The following GABRB3 variants were observed in gnomAD, a reference collection of about 807,000 sequenced individuals.
GABRB3 encodes the protein gamma-aminobutyric acid receptor subunit beta-3.
Under a neutral mutation model 52.1 loss-of-function variants are expected in GABRB3, and 14 were observed. The ratio of observed to expected loss-of-function variants is 0.27; its 90% CI spans 0.18 to 0.42. GABRB3 has a LOEUF of 0.42. GABRB3 is among the 10% of genes least tolerant of loss of function. The probability of loss-of-function intolerance (pLI) is 1.00; values close to 1 mark genes in which losing one functional copy is unlikely to be tolerated. For missense variants in GABRB3, 307 were observed against 609.1 expected, an observed-to-expected ratio of 0.50 and a Z score of 5.22; for synonymous variants, 260 against 232.3, an observed-to-expected ratio of 1.12 and a Z score of -1.08.
chr15:26,729,165 G>T (rs1889844943), intron 3 of GABRB3, among the ~76,000 whole-genome samples: 1 of 152,042 alleles, frequency 6.6e-6, no homozygotes. Flanking sequence ...GTCTGGGCAA[G>T]GGGCCGGGGG....
At chr15:26,721,002 C>A (rs1016310360) in intron 3 of GABRB3, among the ~76,000 whole-genome samples, 1 of 152,166 alleles carries the variant, frequency 6.6e-6, no homozygotes, top group Non-Finnish European at 1.5e-5. Flanking sequence ...ACCGCCCCAA[C>A]ATGTCAAATC....
chr15:26,659,541 T>C (rs12439236), intron 3 of GABRB3, among the ~76,000 whole-genome samples: 25,643 of 151,872 alleles, frequency 0.17, 3,874 homozygotes, highest in East Asian at 0.81. Context: ...AATAAATAAG[T>C]AAATAAATAA....
At chr15:26,768,152 T>A (rs1490202150) in intron 3 of GABRB3, among the ~76,000 whole-genome samples, 1 of 151,980 alleles carries the variant, frequency 6.6e-6, no homozygotes, top group Non-Finnish European at 1.5e-5. Flanking sequence ...CTCTAATTTT[T>A]AAAAACAAAA....
intron 4 of GABRB3, among the ~76,000 whole-genome samples, chr15:26,601,093 C>T (rs1356203116): frequency 6.6e-6 from 1 of 151,838 alleles, no homozygotes; most frequent in Admixed American, 6.6e-5. Flanking sequence ...ATGGTAAGCA[C>T]AAAGCAAAAA....
At chr15:26,580,786 G>A (rs753557865) in intron 5 of GABRB3, 2 of 396,958 alleles carry the variant, frequency 5.0e-6, no homozygotes, top group Non-Finnish European at 9.6e-6. Context: ...CAACTGCAAT[G>A]AATAAGATAG....
chr15:26,627,421 G>T (rs1007900418), intron 3 of GABRB3, among the ~76,000 whole-genome samples: 4 of 142,530 alleles, frequency 2.8e-5, no homozygotes, highest in Non-Finnish European at 6.2e-5. Flanking sequence ...CATAGACAGT[G>T]ATTATTTTTA....
intron 6 of GABRB3, among the ~76,000 whole-genome samples, 188 bp from the exon 7 acceptor site, chr15:26,567,921 G>A (rs1400256352): frequency 6.6e-6 from 1 of 152,186 alleles, no homozygotes; most frequent in Non-Finnish European, 1.5e-5. Context: ...GGTGCTTTTC[G>A]GTCTATTTAT....
At chr15:26,606,724 G>A (rs182786498) in intron 4 of GABRB3, among the ~76,000 whole-genome samples, 1,353 of 104,208 alleles carry the variant, frequency 0.013, 33 homozygotes, top group Middle Eastern at 0.024. Context: ...AATTGTCAAC[G>A]CAATCATATA....
In GABRB3 at chr15:26,722,130, G is replaced by C. The variant is rs533015351; in HGVS notation, c.240+50272C>G. On this transcript the variant is annotated intron_variant, in intron 3 of 8. Coordinates refer to ENST00000311550, the MANE Select transcript of GABRB3 (RefSeq NM_000814.6). ...CACCTAATTTCCTTCTTTTCTCTTT[G>C]CTCAGATATAGTTTGCCCCATCTAG... 5.1e-4 allele frequency among the ~76,000 whole-genome samples: 77 copies of C among 151,982 alleles called. No homozygotes were observed. The Middle Eastern group carries it at 0.02, about 40-fold the overall frequency.
intron 3 of GABRB3, chr15:26,772,010 G>C (rs1216264557): frequency 4.9e-6 from 1 of 204,236 alleles, no homozygotes; most frequent in Non-Finnish European, 9.5e-6. Context: ...TAGAATATAG[G>C]AGCCACCCCC....
chr15:26,731,604 T>A (rs1889916231), intron 3 of GABRB3, among the ~76,000 whole-genome samples: 1 of 152,140 alleles, frequency 6.6e-6, no homozygotes. Flanking sequence ...ACCAGGAGAT[T>A]AGAGTTTATA....
intron 3 of GABRB3, among the ~76,000 whole-genome samples, chr15:26,629,524 G>C (rs1763860926): frequency 6.6e-6 from 1 of 152,170 alleles, no homozygotes; most frequent in Non-Finnish European, 1.5e-5. Flanking sequence ...GGGGGTATTG[G>C]TGGAGAGGTC....
intron 3 of GABRB3, chr15:26,629,196 G>T: frequency 2.8e-6 from 4 of 1,453,778 alleles, no homozygotes; most frequent in Non-Finnish European, 3.6e-6. Context: ...AGGGCTTTGC[G>T]AAGCGGCGGC....
At chr15:26,654,981 C>T (rs1887322299) in intron 3 of GABRB3, among the ~76,000 whole-genome samples, 1 of 152,106 alleles carries the variant, frequency 6.6e-6, no homozygotes, top group South Asian at 2.1e-4. Context: ...TGTCACCATG[C>T]CCTGCTTAGC....
intron 4 of GABRB3, among the ~76,000 whole-genome samples, chr15:26,619,659 AAAGTAT>A (rs1260172129): frequency 6.6e-6 from 1 of 152,122 alleles, no homozygotes; most frequent in Non-Finnish European, 1.5e-5. Context: ...CCTAAAACTT[AAAGTAT>A]AATAATAATA....
intron 3 of GABRB3, among the ~76,000 whole-genome samples, chr15:26,709,556 C>T (rs1330349145): frequency 8.0e-6 from 1 of 124,380 alleles, no homozygotes; most frequent in African/African-American, 3.1e-5. Flanking sequence ...CTTGCTCTGT[C>T]GCCCAGACTG....
chr15:26,704,791 T>C (rs1273525763), intron 3 of GABRB3, among the ~76,000 whole-genome samples: 1 of 152,172 alleles, frequency 6.6e-6, no homozygotes, highest in Admixed American at 6.5e-5. Context: ...AATACCTTGT[T>C]CCTCATTTCC....
At chr15:26,589,427 T>C (rs1360760425) in intron 4 of GABRB3, among the ~76,000 whole-genome samples, 1 of 152,180 alleles carries the variant, frequency 6.6e-6, no homozygotes, top group Non-Finnish European at 1.5e-5. Context: ...AATCCAGCAA[T>C]GCACACAATC....
intron 4 of GABRB3, among the ~76,000 whole-genome samples, chr15:26,595,007 C>T (rs1891345308): frequency 1.3e-5 from 2 of 152,200 alleles, no homozygotes; most frequent in Non-Finnish European, 2.9e-5. Context: ...TCTGAGCATA[C>T]TTCTTGTCTA....
Sources: gnomAD v4.1 joint callset for allele counts (sites outside exome capture counted in the v4.1 genomes callset) on GRCh38, gnomAD v4.1.1 for gene constraint, MANE v1.5 for transcripts, NCBI Gene and HGNC (gene_info 2026-07-23, HGNC 2026-07-21) for gene names.